RYR2: variants seen among roughly 807,000 people sequenced by gnomAD.
RYR2 encodes the protein ryanodine receptor 2, also known as cardiac muscle ryanodine receptor-calcium release channel.
A neutral mutation model predicts 601.1 loss-of-function variants in RYR2; 227 were observed. That is an observed-to-expected ratio of 0.38 (90% CI 0.34 to 0.42). RYR2 has a LOEUF of 0.42. Ranked by LOEUF, RYR2 falls within the 10% of genes least tolerant of loss-of-function variation. The pLI, the probability that RYR2 is intolerant of heterozygous loss-of-function variation, is 1.00. For synonymous variants in RYR2, 2,223 were observed against 2,175.1 expected (o/e 1.02, Z -0.61); for missense variants, 4,646 against 6,156.5 (o/e 0.75, Z 8.21).
At chr1:237,521,343 A>G (rs1667066757) in intron 24 of RYR2, among the ~76,000 whole-genome samples, 1 of 152,208 alleles carries the variant, frequency 6.6e-6, no homozygotes, top group Non-Finnish European at 1.5e-5. Context: ...ACCTCTAGCT[A>G]TTCTGTACTT....
At chr1:237,727,967 A>G (rs1202517142) in intron 76 of RYR2, among the ~76,000 whole-genome samples, 1 of 152,028 alleles carries the variant, frequency 6.6e-6, no homozygotes, top group Non-Finnish European at 1.5e-5. Flanking sequence ...CAGAAACAGG[A>G]CTCAGCTCAG....
chr1:237,397,224 C>T (rs377459456), intron 10 of RYR2, among the ~76,000 whole-genome samples: 6 of 148,490 alleles, frequency 4.0e-5, no homozygotes, highest in South Asian at 4.3e-4. Flanking sequence ...CCTGACAGAG[C>T]GAGACTGTTT....
chr1:237,765,978 G>A (rs753503908), intron 84 of RYR2, among the ~76,000 whole-genome samples: 8 of 152,258 alleles, frequency 5.3e-5, no homozygotes, highest in South Asian at 2.1e-4. Context: ...GGGATGTTGC[G>A]GGGCTGGGGG....
intron 1 of RYR2, among the ~76,000 whole-genome samples, chr1:237,187,466 A>T (rs1189650230): frequency 3.8e-3 from 11 of 2,918 alleles, no homozygotes; most frequent in Non-Finnish European, 0.011. Flanking sequence ...TTTTTTTGAG[A>T]CAAGTCTCAC....
chr1:237,470,405 CACAG>C lies in RYR2; in HGVS notation c.1708+1220_1708+1223del, dbSNP rs528748521. Among the ~76,000 whole-genome samples, 62 of 152,058 alleles carry C rather than the reference CACAG, an allele frequency of 4.1e-4. 1 individual carries two copies. In the South Asian group the frequency reaches 7.5e-3, roughly 18 times the overall value. On this transcript the variant is annotated intron_variant, in intron 17 of 104. Coordinates refer to ENST00000366574, the MANE Select transcript of RYR2 (RefSeq NM_001035.3). ...ATGATCAGAGAGAGTAATTTTAAGT[CACAG>C]AGAAAAATTTGTAGAGTTTAGATAG...
intron 94 of RYR2, 111 bp downstream of exon 94, chr1:237,792,434 T>C: frequency 1.4e-6 from 1 of 691,442 alleles, no homozygotes; most frequent in Non-Finnish European, 2.3e-6. Context: ...TTTTGCAGGC[T>C]GGACTTCTGG....
intron 1 of RYR2, among the ~76,000 whole-genome samples, chr1:237,186,969 T>C (rs1242290851): frequency 1.3e-5 from 2 of 152,264 alleles, no homozygotes; most frequent in South Asian, 2.1e-4. Context: ...AGGAGACACA[T>C]GCCTGAGAGC....
intron 98 of RYR2, among the ~76,000 whole-genome samples, chr1:237,803,446 G>A (rs376861116): frequency 8.0e-4 from 121 of 152,152 alleles, no homozygotes; most frequent in South Asian, 2.3e-3. Context: ...GACTACAGGC[G>A]CCCGCCACCA....
chr1:237,374,651 T>G (rs1572034721), intron 6 of RYR2, 66 bp from the exon 7 acceptor site: 3 of 1,345,398 alleles, frequency 2.2e-6, no homozygotes, highest in East Asian at 4.9e-5. Context: ...AGAGCAACCT[T>G]GTCTCAAACA....
At chr1:237,147,293 T>A (rs979986133) in intron 1 of RYR2, among the ~76,000 whole-genome samples, 15 of 152,200 alleles carry the variant, frequency 9.9e-5, no homozygotes, top group African/African-American at 3.6e-4. Context: ...ACTTTGTTAG[T>A]CTTGCTAATT....
At chr1:237,444,760 T>G (rs1307652192) in intron 13 of RYR2, among the ~76,000 whole-genome samples, 1 of 152,214 alleles carries the variant, frequency 6.6e-6, no homozygotes, top group Non-Finnish European at 1.5e-5. Flanking sequence ...TTTTTGCATT[T>G]CTCTTTCCTA....
At chr1:237,177,932 TA>T (rs1678238418) in intron 1 of RYR2, among the ~76,000 whole-genome samples, 1 of 152,224 alleles carries the variant, frequency 6.6e-6, no homozygotes, top group Non-Finnish European at 1.5e-5. Flanking sequence ...TTTTCCAGGC[TA>T]GCAAATACAG....
At chr1:237,101,845 CTATT>C (rs774636894) in intron 1 of RYR2, among the ~76,000 whole-genome samples, 2 of 152,102 alleles carry the variant, frequency 1.3e-5, no homozygotes, top group Non-Finnish European at 2.9e-5. Flanking sequence ...CAGCCACTTA[CTATT>C]TATTAAGTAT....
chr1:237,459,239 A>G (rs1177367239), intron 16 of RYR2, among the ~76,000 whole-genome samples: 1 of 152,180 alleles, frequency 6.6e-6, no homozygotes, highest in Non-Finnish European at 1.5e-5. Context: ...TGCTTAAGTA[A>G]AGAGTTGCAT....
At chr1:237,615,431 T>C (rs1039708484) in intron 37 of RYR2, among the ~76,000 whole-genome samples, 1 of 152,064 alleles carries the variant, frequency 6.6e-6, no homozygotes, top group African/African-American at 2.4e-5. Context: ...GACTCAAGTG[T>C]TCCTCACTCC....
At position 237,456,660 on chromosome 1, in the gene RYR2, C is replaced by G. The variant is rs1230792928; in HGVS notation, c.1537C>G (p.His513Asp). Residue 513 changes from histidine to aspartate, a missense_variant, in exon 16 of 105, where the codon CAC (histidine) becomes GAC (aspartate). Transcript: ENST00000366574. ...DRLHVYSSAA[H>D]FADVAGREAG... is the part of the protein sequence containing the mutation. Reference sequence around the variant, plus strand: ...TTTGCACGTCTACAGCAGTGCAGCACACTTTGCTGATGTTGCTGGGCGAGA... The same window carrying G: ...TTTGCACGTCTACAGCAGTGCAGCAGACTTTGCTGATGTTGCTGGGCGAGA... 1.2e-6 allele frequency: 2 copies of G among 1,613,278 alleles called. No individual in the cohort carries two copies. Among genetic ancestry groups the G allele is most frequent in the Non-Finnish European group, 1.7e-6 (2 of 1,179,624 alleles).
At chr1:237,759,612 C>T (rs898510563) in intron 82 of RYR2, among the ~76,000 whole-genome samples, 164 bp from the exon 83 acceptor site, 3 of 152,142 alleles carry the variant, frequency 2.0e-5, no homozygotes, top group Admixed American at 1.3e-4. Flanking sequence ...TATCTTGCTT[C>T]GAGGTGTGTT....
At chr1:237,800,482 T>C (rs188260100) in intron 97 of RYR2, among the ~76,000 whole-genome samples, 206 of 152,154 alleles carry the variant, frequency 1.4e-3, no homozygotes, top group Non-Finnish European at 2.2e-3. Flanking sequence ...GTGAAAAAAA[T>C]CTCCTAAAAA....
chr1:237,143,724 C>T (rs1673647789), intron 1 of RYR2, among the ~76,000 whole-genome samples: 1 of 152,138 alleles, frequency 6.6e-6, no homozygotes, highest in African/African-American at 2.4e-5. Flanking sequence ...GGGCCCGTGC[C>T]TTGGGAATCC....
Sources: gnomAD v4.1 joint callset for allele counts (sites outside exome capture counted in the v4.1 genomes callset) on GRCh38, gnomAD v4.1.1 for gene constraint, MANE v1.5 for transcripts, NCBI Gene and HGNC (gene_info 2026-07-23, HGNC 2026-07-21) for gene names.